Variants in LCOR observed in about 807,000 individuals in gnomAD.
LCOR encodes the protein ligand dependent nuclear receptor corepressor.
LCOR carries 14 observed loss-of-function variants against 64.4 expected under a neutral mutation model. The observed-to-expected ratio is 0.22, with a 90% CI of 0.14 to 0.34. The LOEUF is 0.34. Ranked by LOEUF, LCOR falls within the 10% of genes least tolerant of loss-of-function variation. The pLI is 1.00. For synonymous variants in LCOR, 643 were observed against 642.5 expected, an observed-to-expected ratio of 1.00 and a Z score of -0.01; for missense variants, 1,686 against 1,765.3, an observed-to-expected ratio of 0.96 and a Z score of 0.80.
At chr10:96,931,657 A>G (rs1284860585) in intron 4 of LCOR, among the ~76,000 whole-genome samples, 2 of 152,146 alleles carry the variant, frequency 1.3e-5, no homozygotes, top group African/African-American at 4.8e-5. Context: ...TCTACCAGAG[A>G]ACATAACAAC....
intron 2 of LCOR, among the ~76,000 whole-genome samples, chr10:96,841,846 C>T (rs1845546999): frequency 6.6e-6 from 1 of 151,734 alleles, no homozygotes; most frequent in South Asian, 2.1e-4. Context: ...GCAGTCCTCC[C>T]ACCTCAACGT....
intron 4 of LCOR, among the ~76,000 whole-genome samples, chr10:96,939,962 CAAAAAT>C (rs770758124): frequency 6.6e-6 from 1 of 152,016 alleles, no homozygotes; most frequent in East Asian, 1.9e-4. Flanking sequence ...GACTCCGTCT[CAAAAAT>C]AAAAGATCAA....
intron 4 of LCOR, among the ~76,000 whole-genome samples, chr10:96,928,297 T>G (rs557852458): frequency 1.9e-4 from 29 of 152,336 alleles, no homozygotes; most frequent in Middle Eastern, 3.4e-3. Context: ...TTGCTTAATA[T>G]TCTATATCCT....
intron 4 of LCOR, among the ~76,000 whole-genome samples, chr10:96,936,942 A>G (rs920087962): frequency 6.6e-6 from 1 of 152,242 alleles, no homozygotes; most frequent in Non-Finnish European, 1.5e-5. Flanking sequence ...AATATACTAT[A>G]ACAAAAGTTA....
rs897913543 is a variant in LCOR at position 96,983,335 on chromosome 10, G to C, written c.2875G>C (p.Ala959Pro). 17 of 1,614,218 alleles carry C rather than the reference G, an allele frequency of 1.1e-5. No homozygotes were observed. The highest frequency in any genetic ancestry group is 1.4e-5 in the Non-Finnish European group (17 of 1,180,042). The change falls in exon 8 of 8, where the codon GCT becomes CCT. Residue 959 changes from alanine (A) to proline (P), a missense_variant. Physicochemically the swap from Ala to Pro is conservative, Grantham distance 27 (BLOSUM62 -1). This residue lies in a region of LCOR where 1,293 missense variants were observed against 1,410.4 expected (regional missense o/e 0.92). Coordinates refer to ENST00000421806, the MANE Select transcript of LCOR (RefSeq NM_001346516.2). The surrounding 1 kb of genome is among the most constrained non-coding windows in gnomAD (Gnocchi z 4.5). ...TCAGTCTAAAATGGATGAGAAGAAT[G>C]CTCATATCCCCTCAGAAAGTATTGC... ...YVQSKMDEKN[A>P]HIPSESIACK...
rs1848231047 is a variant in LCOR, at chr10:96,994,984, A to G, written c.*9850A>G. 6.6e-6 allele frequency: 1 copy of G among 152,212 alleles called. No individual in the cohort carries two copies. Among genetic ancestry groups the G allele is most frequent in the Admixed American group, 6.5e-5 (1 of 15,284 alleles). 9.4% of individuals were successfully genotyped at this position (152,212 alleles called of 1,614,324 possible). A position where few individuals can be genotyped will look rare whatever the true frequency, so the allele number is the denominator to read the frequency against. The stretch of plus-strand genomic sequence containing the variant: ...ATGAAAAGCACAGCCCAGGGCCCTA[A>G]TTGAGGCTAGCATGAATGCCTTTGA... On this transcript the variant is annotated 3_prime_UTR_variant, in exon 8 of 8. Transcript: ENST00000421806.
intron 4 of LCOR, among the ~76,000 whole-genome samples, chr10:96,921,214 G>A (rs1257789268): frequency 1.3e-5 from 2 of 151,898 alleles, no homozygotes; most frequent in South Asian, 2.1e-4. Flanking sequence ...TCACTCTGTT[G>A]TGTCCTTTGA....
chr10:96,925,758 T>A (rs1279846722), intron 4 of LCOR, among the ~76,000 whole-genome samples: 1 of 152,224 alleles, frequency 6.6e-6, no homozygotes, highest in Non-Finnish European at 1.5e-5. Flanking sequence ...AAACATCTTA[T>A]CAAACTTTGA....
At chr10:96,898,310 C>G (rs780855592) in intron 2 of LCOR, among the ~76,000 whole-genome samples, 1 of 152,072 alleles carries the variant, frequency 6.6e-6, no homozygotes, top group Non-Finnish European at 1.5e-5. Context: ...GGCGTGGAAG[C>G]ATTGACAGTA....
At chr10:96,885,892 T>C (rs1037847908) in intron 2 of LCOR, among the ~76,000 whole-genome samples, 1 of 152,116 alleles carries the variant, frequency 6.6e-6, no homozygotes, top group South Asian at 2.1e-4. Context: ...CTTAATGATT[T>C]TAAAGATTGT....
rs1847865308 is a variant in LCOR, at chr10:96,960,703, T to G, written c.332+8507T>G. Reference sequence around the variant, plus strand: ...TGGTCAGGCTAGCATTACTAAAAACTTGATGGCTTCAGCAGAACAGCCCGT... The same window carrying G: ...TGGTCAGGCTAGCATTACTAAAAACGTGATGGCTTCAGCAGAACAGCCCGT... On this transcript the variant is annotated intron_variant, in intron 7 of 7. Coordinates refer to ENST00000421806, the MANE Select transcript of LCOR (RefSeq NM_001346516.2). 3 of 152,192 alleles carry G rather than the reference T, an allele frequency of 2.0e-5. No individual in the cohort carries two copies. In the South Asian group the frequency reaches 6.2e-4, roughly 31 times the overall value. 9.4% of individuals were successfully genotyped at this position (152,192 alleles called of 1,614,324 possible).
intron 4 of LCOR, among the ~76,000 whole-genome samples, chr10:96,919,462 AT>A (rs1847011103): frequency 6.6e-6 from 1 of 151,544 alleles, no homozygotes; most frequent in South Asian, 2.1e-4. Flanking sequence ...TTTTGAAATT[AT>A]TTGCATTTTC....
intron 2 of LCOR, among the ~76,000 whole-genome samples, chr10:96,898,784 G>GT (rs1337145518): frequency 6.6e-6 from 1 of 152,134 alleles, no homozygotes; most frequent in East Asian, 1.9e-4. Flanking sequence ...TGAATATTTT[G>GT]TTATGGGCAT....
chr10:96,957,571 G>C (rs1170248464), intron 7 of LCOR: 19 of 985,170 alleles, frequency 1.9e-5, no homozygotes, highest in Non-Finnish European at 2.3e-5. Context: ...CATTATTGGA[G>C]TTTCAGTGTA....
intron 2 of LCOR, among the ~76,000 whole-genome samples, chr10:96,872,880 C>T (rs1846095658): frequency 6.6e-6 from 1 of 152,010 alleles, no homozygotes; most frequent in Non-Finnish European, 1.5e-5. Context: ...TCAGATGAGA[C>T]TTGTATTTAA....
At chr10:96,920,434 G>GTATATATATATATATTCA (rs765295602) in intron 4 of LCOR, among the ~76,000 whole-genome samples, 3,268 of 123,926 alleles carry the variant, frequency 0.026, 251 homozygotes, top group African/African-American at 0.11. Flanking sequence ...ATATATATGT[G>GTATATATATATATATTCA]TATATATGTG....
chr10:96,984,000 A>T lies in LCOR; in HGVS notation c.3540A>T (p.Leu1180Phe). 1 of 1,614,172 alleles carries T rather than the reference A, an allele frequency of 6.2e-7. No individual in the cohort carries two copies. Among genetic ancestry groups the T allele is most frequent in the Non-Finnish European group, 8.5e-7 (1 of 1,180,030 alleles). Residue 1180 changes from leucine (L) to phenylalanine (F), a missense_variant, in exon 8 of 8, where the codon TTA becomes TTT. By Grantham distance (22) the Leu-to-Phe change is conservative (BLOSUM62 0). Coordinates refer to ENST00000421806, the MANE Select transcript of LCOR (RefSeq NM_001346516.2). This position sits in a 1 kb window ranked among gnomAD's most constrained non-coding sequence, Gnocchi z 4.5. ...VQMLFMTNFK[L>F]SNVCKWFLET... ...TGCTCTTTATGACAAACTTTAAATT[A>T]TCTAATGTTTGTAAATGGTTCTTAG...
intron 2 of LCOR, among the ~76,000 whole-genome samples, chr10:96,859,559 G>A (rs1363309168): frequency 1.3e-5 from 2 of 151,884 alleles, no homozygotes; most frequent in Non-Finnish European, 2.9e-5. Context: ...GGAGGCATGT[G>A]TCTCTTTCCT....
chr10:96,971,668 T>C (rs1848000562), intron 7 of LCOR, among the ~76,000 whole-genome samples: 1 of 152,040 alleles, frequency 6.6e-6, no homozygotes, highest in African/African-American at 2.4e-5. Flanking sequence ...CAGATGAGAT[T>C]TGGGCTTTAG....
Sources: allele counts gnomAD v4.1 joint callset (sites outside exome capture counted in the v4.1 genomes callset), GRCh38; gene constraint gnomAD v4.1.1; regional missense constraint gnomAD v4.1.1; non-coding constraint Gnocchi (gnomAD v3.1); transcripts MANE v1.5; gene names NCBI Gene and HGNC (gene_info 2026-07-23, HGNC 2026-07-21).